The following DPP10 variants were observed in gnomAD, a reference collection of about 807,000 sequenced individuals.
DPP10 encodes inactive dipeptidyl peptidase 10.
In DPP10, 33 loss-of-function variants were observed where a neutral mutation model predicts 120.9. That is an observed-to-expected ratio of 0.27 (90% CI 0.21 to 0.37). DPP10 has a LOEUF of 0.37. Ranked by LOEUF, DPP10 falls within the 10% of genes least tolerant of loss-of-function variation. DPP10 has a pLI of 1.00. For missense variants in DPP10, 816 were observed against 942.8 expected (o/e 0.87, Z 1.76); for synonymous variants, 337 against 326.1 (o/e 1.03, Z -0.36).
At chr2:115,024,883 C>T (rs747595120) in intron 1 of DPP10, among the ~76,000 whole-genome samples, 3 of 147,968 alleles carry the variant, frequency 2.0e-5, no homozygotes, top group Non-Finnish European at 4.5e-5. Flanking sequence ...ATGTATATTC[C>T]AATTACCCTA....
At chr2:115,144,001 G>A (rs933873491) in intron 1 of DPP10, 2 of 152,134 alleles carry the variant, frequency 1.3e-5, no homozygotes, top group African/African-American at 4.8e-5. Context: ...GTTATTTCAG[G>A]CTGAGACCTA....
At chr2:114,641,299 C>A (rs948376521) in intron 1 of DPP10, among the ~76,000 whole-genome samples, 1 of 151,878 alleles carries the variant, frequency 6.6e-6, no homozygotes, top group Non-Finnish European at 1.5e-5. Context: ...TGTCTTTTTT[C>A]CTGATAAGTC....
At chr2:115,017,424 C>T (rs1406803995) in intron 1 of DPP10, among the ~76,000 whole-genome samples, 1 of 152,006 alleles carries the variant, frequency 6.6e-6, no homozygotes, top group African/African-American at 2.4e-5. Context: ...ATTGGTTCAA[C>T]CACTGTGGAA....
chr2:114,738,735 C>G (rs979702762), intron 1 of DPP10, among the ~76,000 whole-genome samples: 1 of 152,148 alleles, frequency 6.6e-6, no homozygotes, highest in Admixed American at 6.5e-5. Context: ...AGTAACTTCC[C>G]ACTGACCTGT....
At chr2:115,719,061 A>G (rs2092578257) in intron 7 of DPP10, among the ~76,000 whole-genome samples, 1 of 152,224 alleles carries the variant, frequency 6.6e-6, no homozygotes, top group African/African-American at 2.4e-5. Flanking sequence ...TGATTTATTC[A>G]TCACGAGGTC....
intron 1 of DPP10, among the ~76,000 whole-genome samples, chr2:114,582,958 A>G (rs1278717219): frequency 1.3e-5 from 2 of 152,184 alleles, no homozygotes; most frequent in Non-Finnish European, 2.9e-5. Context: ...GATGGCATAC[A>G]TAGCTAAGTC....
Position 115,620,144 on chromosome 2 carries a change from C to T in DPP10, c.442-69543C>T, listed in dbSNP as rs981017493. On this transcript the variant is annotated intron_variant, in intron 5 of 25. Transcript: ENST00000410059. ...ACCTTAAAAGCCAAGTCTTTCTCCC[C>T]GAACAGAGCGCTGGGCCAGGCTCAA... Among the ~76,000 whole-genome samples, 31 of 152,170 alleles carry T rather than the reference C, an allele frequency of 2.0e-4. 1 individual carries two copies. The highest frequency in any genetic ancestry group is 2.4e-4 in the African/African-American group (10 of 41,436).
intron 10 of DPP10, 112 bp from the exon 11 acceptor site, chr2:115,753,062 C>A: frequency 2.2e-6 from 2 of 916,656 alleles, no homozygotes; most frequent in Non-Finnish European, 3.1e-6. Context: ...TATGTAGCAA[C>A]ATCCTTATAG....
chr2:115,177,525 C>T (rs916126179), intron 1 of DPP10, among the ~76,000 whole-genome samples: 1 of 152,152 alleles, frequency 6.6e-6, no homozygotes, highest in African/African-American at 2.4e-5. Context: ...AAATATTACA[C>T]AAATATATAC....
At chr2:115,180,320 C>T (rs1261187480) in intron 1 of DPP10, among the ~76,000 whole-genome samples, 1 of 152,028 alleles carries the variant, frequency 6.6e-6, no homozygotes, top group Non-Finnish European at 1.5e-5. Context: ...CAGGCAGATT[C>T]CTGATTTCAT....
intron 8 of DPP10, among the ~76,000 whole-genome samples, 158 bp from the exon 9 acceptor site, chr2:115,739,581 G>A (rs1017248189): frequency 6.6e-6 from 1 of 152,032 alleles, no homozygotes; most frequent in Non-Finnish European, 1.5e-5. Context: ...GGAATTAAAA[G>A]GGTGACTCAG....
chr2:115,002,775 A>G (rs146766003), intron 1 of DPP10, among the ~76,000 whole-genome samples: 232 of 152,228 alleles, frequency 1.5e-3, no homozygotes, highest in African/African-American at 5.2e-3. Context: ...CAATATCACT[A>G]ATCATTACAG....
intron 1 of DPP10, among the ~76,000 whole-genome samples, chr2:114,842,741 T>C (rs1688256575): frequency 6.6e-6 from 1 of 152,174 alleles, no homozygotes; most frequent in Non-Finnish European, 1.5e-5. Flanking sequence ...AGCTTGTGTT[T>C]CCAAGCATTA....
intron 1 of DPP10, among the ~76,000 whole-genome samples, chr2:114,708,866 C>T (rs537228680): frequency 7.2e-5 from 11 of 152,246 alleles, no homozygotes; most frequent in African/African-American, 1.2e-4. Context: ...AGCGATTCTC[C>T]GGCCTCAGCC....
chr2:115,659,022 G>A (rs2088660257), intron 5 of DPP10, among the ~76,000 whole-genome samples: 1 of 152,142 alleles, frequency 6.6e-6, no homozygotes, highest in Non-Finnish European at 1.5e-5. Flanking sequence ...CAGAGGCAGA[G>A]CCCTCATGAA....
At chr2:114,838,788 T>C (rs2106439372) in intron 1 of DPP10, among the ~76,000 whole-genome samples, 1 of 152,246 alleles carries the variant, frequency 6.6e-6, no homozygotes, top group Non-Finnish European at 1.5e-5. Flanking sequence ...CTTAACTCTG[T>C]CATGTCTCAT....
intron 1 of DPP10, among the ~76,000 whole-genome samples, chr2:115,286,528 T>TATATATATATA (rs2060404127): frequency 1.0e-5 from 1 of 100,072 alleles, no homozygotes; most frequent in Non-Finnish European, 2.1e-5. Context: ...ATATATATAA[T>TATATATATATA]ATATATATAT....
chr2:115,747,390 G>A (rs962288530), intron 10 of DPP10, among the ~76,000 whole-genome samples: 1 of 152,012 alleles, frequency 6.6e-6, no homozygotes, highest in Admixed American at 6.6e-5. Flanking sequence ...AGCCATGAAT[G>A]GTTACGTTAC....
intron 5 of DPP10, among the ~76,000 whole-genome samples, chr2:115,612,232 C>A (rs1338606943): frequency 1.3e-5 from 2 of 152,082 alleles, no homozygotes; most frequent in African/African-American, 4.8e-5. Context: ...CTTGAGGAAG[C>A]ATGAAATTTT....
Sources: allele counts gnomAD v4.1 joint callset (sites outside exome capture counted in the v4.1 genomes callset), GRCh38; gene constraint gnomAD v4.1.1; transcripts MANE v1.5; gene names NCBI Gene and HGNC (gene_info 2026-07-23, HGNC 2026-07-21).